Variants in ERBB4 observed in about 807,000 individuals in gnomAD.
ERBB4 encodes the protein erb-b2 receptor tyrosine kinase 4, also known as receptor tyrosine-protein kinase erbB-4.
Under a neutral mutation model 158.0 loss-of-function variants are expected in ERBB4, and 42 were observed. That is an observed-to-expected ratio of 0.27 (90% CI 0.21 to 0.34). The LOEUF is 0.34. Ranked by LOEUF, ERBB4 falls within the 10% of genes least tolerant of loss-of-function variation. ERBB4 has a pLI of 1.00. For synonymous variants in ERBB4, 583 were observed against 558.7 expected, an observed-to-expected ratio of 1.04 and a Z score of -0.61; for missense variants, 1,333 against 1,624.1, an observed-to-expected ratio of 0.82 and a Z score of 3.08.
chr2:212,176,242 T>C (rs1420287512), intron 1 of ERBB4, among the ~76,000 whole-genome samples: 1 of 151,914 alleles, frequency 6.6e-6, no homozygotes, highest in Non-Finnish European at 1.5e-5. Context: ...TAACCAAATG[T>C]TTATGTCCTC....
intron 16 of ERBB4, among the ~76,000 whole-genome samples, chr2:211,639,122 A>G (rs77783816): frequency 0.015 from 2,343 of 152,296 alleles, 73 homozygotes; most frequent in African/African-American, 0.053. Context: ...TCCACAGTTT[A>G]TACCTATTAT....
At chr2:212,066,779 C>T (rs2077960800) in intron 2 of ERBB4, among the ~76,000 whole-genome samples, 1 of 151,852 alleles carries the variant, frequency 6.6e-6, no homozygotes, top group African/African-American at 2.4e-5. Flanking sequence ...CCAGCAATTA[C>T]AATCCTAAAG....
intron 2 of ERBB4, among the ~76,000 whole-genome samples, chr2:211,950,203 C>T (rs1213741844): frequency 6.6e-6 from 1 of 152,114 alleles, no homozygotes; most frequent in African/African-American, 2.4e-5. Context: ...CCAGTTCCAT[C>T]CCCAGAGAGC....
At chr2:211,461,676 GGAGA>G (rs971015674) in intron 20 of ERBB4, among the ~76,000 whole-genome samples, 3 of 152,056 alleles carry the variant, frequency 2.0e-5, no homozygotes, top group African/African-American at 7.2e-5. Context: ...ATCCACAGAA[GGAGA>G]GAGAGATACA....
intron 1 of ERBB4, among the ~76,000 whole-genome samples, chr2:212,446,591 G>GTATGTATGTATATATA (rs1303302858): frequency 1.1e-4 from 3 of 27,518 alleles, no homozygotes; most frequent in African/African-American, 1.8e-4. Context: ...ATATATATAT[G>GTATGTATGTATATATA]TATATATATA....
At chr2:212,100,567 A>G (rs983623724) in intron 2 of ERBB4, among the ~76,000 whole-genome samples, 3 of 152,182 alleles carry the variant, frequency 2.0e-5, no homozygotes, top group Admixed American at 2.0e-4. Flanking sequence ...ACAAACCACA[A>G]ATGTCCACTC....
chr2:212,060,832 G>T (rs1303729227), intron 2 of ERBB4, among the ~76,000 whole-genome samples: 1 of 150,448 alleles, frequency 6.6e-6, no homozygotes, highest in Non-Finnish European at 1.5e-5. Flanking sequence ...ATGGGGGAGG[G>T]ATACCATTAG....
chr2:212,177,563 C>T (rs1455853891), intron 1 of ERBB4, among the ~76,000 whole-genome samples: 2 of 151,834 alleles, frequency 1.3e-5, no homozygotes, highest in Non-Finnish European at 2.9e-5. Flanking sequence ...CTCTCTACTC[C>T]TTTTTCCCTT....
At position 211,697,157 on chromosome 2, in the gene ERBB4, A is replaced by G. The variant is rs528202523; in HGVS notation, c.1489+4810T>C. ...TGATTATACTTTACAGGGTGGTTGT[A>G]ATAACTAAATTAAACAATATAGCTA... On this transcript the variant is annotated intron_variant, in intron 12 of 27. Transcript: ENST00000342788. 3.3e-5 allele frequency among the ~76,000 whole-genome samples: 5 copies of G among 152,292 alleles called. No homozygotes were observed. The East Asian group carries it at 7.7e-4, about 24-fold the overall frequency.
Position 211,379,756 on chromosome 2 carries a change from A to G in ERBB4, c.*3859T>C, listed in dbSNP as rs1228569776. 4.3e-5 allele frequency: 10 copies of G among 232,156 alleles called. No individual in the cohort carries two copies. The East Asian group carries it at 6.1e-4, about 14-fold the overall frequency. The allele number at this position is 232,156 out of a possible 1,614,324, so 14.4% of individuals were successfully genotyped here. A position where few individuals can be genotyped will look rare whatever the true frequency, so the allele number is the denominator to read the frequency against. ...ATGAACTACATATACTAGTTAAATT[A>G]TCAACAATTACAGATGGATGAATAA... On this transcript the variant is annotated 3_prime_UTR_variant, in exon 28 of 28. Transcript: ENST00000342788.
chr2:211,878,657 GT>G (rs56379006), intron 3 of ERBB4, among the ~76,000 whole-genome samples: 1 of 133,894 alleles, frequency 7.5e-6, no homozygotes, highest in Non-Finnish European at 1.5e-5. Context: ...ATTAAGTTTT[GT>G]TTTTTTTTTT....
intron 3 of ERBB4, among the ~76,000 whole-genome samples, chr2:211,943,735 T>G (rs1052255943): frequency 1.3e-5 from 2 of 152,074 alleles, no homozygotes; most frequent in African/African-American, 2.4e-5. Context: ...GTTTTTCTAT[T>G]TGGCCAGAAA....
intron 20 of ERBB4, among the ~76,000 whole-genome samples, chr2:211,537,313 G>A (rs1194673397): frequency 7.4e-6 from 1 of 135,544 alleles, no homozygotes; most frequent in East Asian, 3.2e-4. Flanking sequence ...TGTAAGGTCT[G>A]GCTCAATTTG....
intron 1 of ERBB4, among the ~76,000 whole-genome samples, chr2:212,335,680 G>A (rs6743882): frequency 0.025 from 3,807 of 152,036 alleles, 61 homozygotes; most frequent in Middle Eastern, 0.11. Context: ...TTTTCTTTGG[G>A]TTCGGATTAG....
At chr2:211,762,974 CTT>C (rs1233371321) in intron 4 of ERBB4, among the ~76,000 whole-genome samples, 7 of 152,078 alleles carry the variant, frequency 4.6e-5, no homozygotes, top group South Asian at 4.1e-4. Flanking sequence ...ATTTAGCTCT[CTT>C]ATCAAATAAT....
chr2:212,362,620 A>G (rs1239767945), intron 1 of ERBB4, among the ~76,000 whole-genome samples: 1 of 151,102 alleles, frequency 6.6e-6, no homozygotes, highest in African/African-American at 2.4e-5. Context: ...CAATTAAAAA[A>G]TGGTTTATAA....
chr2:212,456,586 G>T (rs900257256), intron 1 of ERBB4, among the ~76,000 whole-genome samples: 7 of 151,274 alleles, frequency 4.6e-5, no homozygotes, highest in African/African-American at 1.7e-4. Flanking sequence ...AAGAATATGA[G>T]GTTGATTAAT....
chr2:212,424,404 C>T (rs2091860694), intron 1 of ERBB4, among the ~76,000 whole-genome samples: 1 of 152,060 alleles, frequency 6.6e-6, no homozygotes, highest in Non-Finnish European at 1.5e-5. Context: ...CAAGCTATTC[C>T]CCATGCACAT....
At chr2:212,159,688 C>A (rs1221426581) in intron 1 of ERBB4, among the ~76,000 whole-genome samples, 2 of 151,902 alleles carry the variant, frequency 1.3e-5, no homozygotes, top group East Asian at 1.9e-4. Flanking sequence ...AAAAAAAAGA[C>A]CACACTGCTT....
Sources: allele counts gnomAD v4.1 joint callset (sites outside exome capture counted in the v4.1 genomes callset), GRCh38; gene constraint gnomAD v4.1.1; transcripts MANE v1.5; gene names NCBI Gene and HGNC (gene_info 2026-07-23, HGNC 2026-07-21).